The following DLG2 variants were observed in gnomAD, a reference collection of about 807,000 sequenced individuals.
DLG2 encodes discs large MAGUK scaffold protein 2, also known as disks large homolog 2.
A neutral mutation model predicts 132.5 loss-of-function variants in DLG2; 45 were observed. That is an observed-to-expected ratio of 0.34 (90% confidence interval 0.27 to 0.44). DLG2 has a LOEUF of 0.44. Ranked by LOEUF, DLG2 falls within the 20% of genes least tolerant of loss-of-function variation. DLG2 has a pLI of 1.00. For missense variants in DLG2, 1,045 were observed against 1,196.9 expected, an observed-to-expected ratio of 0.87 and a Z score of 1.87; for synonymous variants, 424 against 419.6, an observed-to-expected ratio of 1.01 and a Z score of -0.13.
chr11:84,969,267 G>C (rs947118146), intron 6 of DLG2, among the ~76,000 whole-genome samples: 2 of 152,100 alleles, frequency 1.3e-5, no homozygotes, highest in African/African-American at 4.8e-5. Flanking sequence ...AGTATCTAAA[G>C]TGACCATAGT....
chr11:84,520,643 T>G (rs1273236580), intron 7 of DLG2, among the ~76,000 whole-genome samples: 1 of 152,120 alleles, frequency 6.6e-6, no homozygotes, highest in East Asian at 1.9e-4. Context: ...TGTGTTTCTC[T>G]TACTTTTCCA....
At chr11:83,897,157 C>T (rs1192012133) in intron 15 of DLG2, among the ~76,000 whole-genome samples, 1 of 152,136 alleles carries the variant, frequency 6.6e-6, no homozygotes, top group Non-Finnish European at 1.5e-5. Context: ...AGCAGAGAGC[C>T]ACTGCTAGCC....
Position 84,105,593 on chromosome 11 carries a change from C to T in DLG2, c.625-6546G>A, listed in dbSNP as rs543810583. 5.9e-5 allele frequency among the ~76,000 whole-genome samples: 9 copies of T among 152,232 alleles called. No homozygotes were observed. The South Asian group carries it at 1.9e-3, about 32-fold the overall frequency. ...ATGGATTAATGCATTTTAACCTACA[C>T]TGATAATATATGTTACTTTTCTTTG... On this transcript the variant is annotated intron_variant, in intron 9 of 27. Coordinates refer to ENST00000376104, the MANE Select transcript of DLG2 (RefSeq NM_001142699.3).
At chr11:84,442,626 C>T (rs2099020784) in intron 7 of DLG2, among the ~76,000 whole-genome samples, 1 of 151,618 alleles carries the variant, frequency 6.6e-6, no homozygotes, top group African/African-American at 2.4e-5. Context: ...ACATGTATAC[C>T]TATCTAACAA....
intron 6 of DLG2, among the ~76,000 whole-genome samples, chr11:84,823,581 C>CCACACACACACACACA (rs60714512): frequency 2.2e-5 from 3 of 134,404 alleles, no homozygotes; most frequent in East Asian, 2.4e-4. Flanking sequence ...GGTTGTATAT[C>CCACACACACACACACA]CACACACACA....
At chr11:84,725,804 C>T (rs538842697) in intron 6 of DLG2, among the ~76,000 whole-genome samples, 3 of 151,382 alleles carry the variant, frequency 2.0e-5, no homozygotes, top group Non-Finnish European at 4.4e-5. Context: ...TTTGTATTAG[C>T]CACTCAGTAA....
intron 4 of DLG2, among the ~76,000 whole-genome samples, chr11:85,195,727 C>T (rs1224735176): frequency 6.6e-6 from 1 of 151,738 alleles, no homozygotes; most frequent in Admixed American, 6.6e-5. Flanking sequence ...GGGGTTTCAC[C>T]GTGTTAGCCA....
chr11:83,901,162 T>A (rs2073317843), intron 15 of DLG2, among the ~76,000 whole-genome samples: 1 of 152,230 alleles, frequency 6.6e-6, no homozygotes, highest in Non-Finnish European at 1.5e-5. Context: ...ATCTATGAAG[T>A]AATTAACTTG....
chr11:85,314,837 T>C (rs554538415), intron 3 of DLG2, among the ~76,000 whole-genome samples: 105 of 151,948 alleles, frequency 6.9e-4, no homozygotes, highest in Non-Finnish European at 1.0e-3. Context: ...GAGAGATACA[T>C]TGTCAGCCTG....
chr11:85,208,042 A>G (rs906555372), intron 4 of DLG2, among the ~76,000 whole-genome samples: 3 of 152,112 alleles, frequency 2.0e-5, no homozygotes, highest in Non-Finnish European at 1.5e-5. Context: ...GCTACCAGCA[A>G]TGGGGTACTT....
rs565494417 is a variant in DLG2, at chr11:85,330,881, C to T, written c.41-45516G>A. Among the ~76,000 whole-genome samples the T allele has an allele frequency of 3.3e-4, 49 of 150,648 alleles. No homozygotes were observed. In the South Asian group the frequency reaches 5.0e-3, roughly 15 times the overall value. On this transcript the variant is annotated intron_variant, in intron 3 of 27. Transcript: ENST00000376104. Reference sequence around the variant, plus strand: ...GTCTGCTCAAATTCTCATACATAAACCCTTACTTCCACCTGGTGGTTTCCC... The same window carrying T: ...GTCTGCTCAAATTCTCATACATAAATCCTTACTTCCACCTGGTGGTTTCCC...
chr11:83,599,105 C>A (rs1242388950), intron 19 of DLG2, among the ~76,000 whole-genome samples: 1 of 152,212 alleles, frequency 6.6e-6, no homozygotes, highest in African/African-American at 2.4e-5. Context: ...TGGCACTTAG[C>A]AAGAGTAGTT....
intron 9 of DLG2, among the ~76,000 whole-genome samples, chr11:84,158,959 G>T (rs2154258808): frequency 6.6e-6 from 1 of 152,270 alleles, no homozygotes; most frequent in South Asian, 2.1e-4. Flanking sequence ...GCCTTATGGG[G>T]TAATTATAAA....
At chr11:85,267,288 T>C (rs1474221239) in intron 4 of DLG2, among the ~76,000 whole-genome samples, 1 of 152,222 alleles carries the variant, frequency 6.6e-6, no homozygotes, top group Non-Finnish European at 1.5e-5. Context: ...AATTCAGACA[T>C]GCTGGTACCC....
At chr11:84,096,377 G>T (rs2097165510) in intron 10 of DLG2, among the ~76,000 whole-genome samples, 1 of 152,130 alleles carries the variant, frequency 6.6e-6, no homozygotes, top group East Asian at 1.9e-4. Flanking sequence ...AACTACGAAT[G>T]AATGAAGTTT....
intron 6 of DLG2, among the ~76,000 whole-genome samples, chr11:84,632,066 T>C (rs1418832392): frequency 6.6e-6 from 1 of 152,186 alleles, no homozygotes; most frequent in Non-Finnish European, 1.5e-5. Context: ...GAGAGGAAGA[T>C]GTTATTTATA....
At chr11:85,086,794 G>A (rs747523127) in intron 6 of DLG2, among the ~76,000 whole-genome samples, 2 of 152,068 alleles carry the variant, frequency 1.3e-5, no homozygotes, top group African/African-American at 2.4e-5. Flanking sequence ...AATTGACTAC[G>A]GCATATCAAT....
At chr11:85,249,680 G>T (rs2076303766) in intron 4 of DLG2, among the ~76,000 whole-genome samples, 1 of 152,020 alleles carries the variant, frequency 6.6e-6, no homozygotes, top group South Asian at 2.1e-4. Context: ...TCACTTATCT[G>T]TCAAATATCC....
intron 7 of DLG2, among the ~76,000 whole-genome samples, chr11:84,370,400 A>C (rs2098701359): frequency 6.6e-6 from 1 of 152,206 alleles, no homozygotes; most frequent in South Asian, 2.1e-4. Flanking sequence ...ATTTGAAATA[A>C]AGGAAGTGGC....
Sources: allele counts gnomAD v4.1 joint callset (sites outside exome capture counted in the v4.1 genomes callset), GRCh38; gene constraint gnomAD v4.1.1; transcripts MANE v1.5; gene names NCBI Gene and HGNC (gene_info 2026-07-23, HGNC 2026-07-21).